The following SDK1 variants were observed in gnomAD, a reference collection of about 807,000 sequenced individuals.
SDK1 encodes the protein sidekick cell adhesion molecule 1.
Under a neutral mutation model 245.5 loss-of-function variants are expected in SDK1, and 157 were observed. The ratio of observed to expected loss-of-function variants is 0.64; its 90% confidence interval spans 0.56 to 0.73. The LOEUF (loss-of-function observed/expected upper bound fraction) is 0.73. Ranked by LOEUF, SDK1 falls within the 30% of genes least tolerant of loss-of-function variation. The probability of loss-of-function intolerance (pLI) is 0.00; values close to 1 mark genes in which losing one functional copy is unlikely to be tolerated. For missense variants in SDK1, 3,583 were observed against 3,002.3 expected, an observed-to-expected ratio of 1.19 and a Z score of -4.52; for synonymous variants, 1,647 against 1,278.5, an observed-to-expected ratio of 1.29 and a Z score of -6.15.
At chr7:3,435,710 T>G (rs1780002609) in intron 1 of SDK1, among the ~76,000 whole-genome samples, 1 of 152,050 alleles carries the variant, frequency 6.6e-6, no homozygotes, top group Non-Finnish European at 1.5e-5. Flanking sequence ...TCTATCCTAC[T>G]TTACATGCCC....
chr7:3,581,849 A>T (rs529587422), intron 1 of SDK1, among the ~76,000 whole-genome samples: 1 of 152,368 alleles, frequency 6.6e-6, no homozygotes, highest in South Asian at 2.1e-4. Flanking sequence ...CTTTGCAGGG[A>T]CATGGGTGAA....
At chr7:3,599,090 C>CTTT (rs58431507) in intron 1 of SDK1, among the ~76,000 whole-genome samples, 6 of 80,522 alleles carry the variant, frequency 7.5e-5, no homozygotes, top group African/African-American at 1.8e-4. Context: ...ACTAATCCAC[C>CTTT]TTTTTTTTTT....
intron 5 of SDK1, among the ~76,000 whole-genome samples, chr7:3,854,988 A>T (rs1780509645): frequency 6.6e-6 from 1 of 152,178 alleles, no homozygotes. Context: ...CTTCATCTAC[A>T]GTGTCCTCCA....
At chr7:3,743,130 G>T (rs1779522990) in intron 4 of SDK1, among the ~76,000 whole-genome samples, 1 of 152,176 alleles carries the variant, frequency 6.6e-6, no homozygotes, top group Non-Finnish European at 1.5e-5. Context: ...TGCCTTGAAT[G>T]GGAGAGTAAT....
rs1024759040 is a variant in SDK1, at chr7:4,233,191, T to G, written c.5828-64T>G. ...CAAGCCGACCCACCAGGCAGGTGCA[T>G]GGGGCTCGCATCTGGGACTTCGCAC... On this transcript the variant is annotated intron_variant, in intron 40 of 44. Coordinates refer to ENST00000404826, the MANE Select transcript of SDK1 (RefSeq NM_152744.4). The G allele has an allele frequency of 4.6e-6, 7 of 1,512,400 alleles. No homozygotes were observed. The South Asian group carries it at 6.0e-5, about 13-fold the overall frequency. The allele number at this position is 1,512,400 out of a possible 1,614,324, so 93.7% of individuals were successfully genotyped here. A position where few individuals can be genotyped will look rare whatever the true frequency, so the allele number is the denominator to read the frequency against.
chr7:3,967,106 G>A (rs537260845), intron 9 of SDK1, among the ~76,000 whole-genome samples: 10 of 152,298 alleles, frequency 6.6e-5, no homozygotes, highest in East Asian at 1.9e-4. Flanking sequence ...ACATCGTGAC[G>A]CTGTATTTTC....
At chr7:3,784,260 C>T (rs1195072293) in intron 4 of SDK1, among the ~76,000 whole-genome samples, 2 of 151,266 alleles carry the variant, frequency 1.3e-5, no homozygotes, top group Admixed American at 6.6e-5. Context: ...CAAGAATATG[C>T]AATAAGAAAA....
chr7:3,827,374 G>A (rs1007852149), intron 5 of SDK1, among the ~76,000 whole-genome samples: 3 of 151,776 alleles, frequency 2.0e-5, no homozygotes, highest in East Asian at 3.9e-4. Flanking sequence ...CTTTCCGAAC[G>A]AGATGGAAGG....
chr7:4,141,624 G>C (rs1401408390), intron 28 of SDK1, among the ~76,000 whole-genome samples: 1 of 152,206 alleles, frequency 6.6e-6, no homozygotes, highest in African/African-American at 2.4e-5. Flanking sequence ...AGGTAGGCTG[G>C]TGGGATCCAT....
At chr7:3,810,302 A>C (rs566482650) in intron 4 of SDK1, among the ~76,000 whole-genome samples, 1 of 152,166 alleles carries the variant, frequency 6.6e-6, no homozygotes, top group East Asian at 1.9e-4. Flanking sequence ...AAGACTGAAA[A>C]CATGTATTCC....
At chr7:3,865,806 A>G (rs1305909662) in intron 5 of SDK1, among the ~76,000 whole-genome samples, 1 of 151,894 alleles carries the variant, frequency 6.6e-6, no homozygotes, top group Non-Finnish European at 1.5e-5. Context: ...CTTCACCTCC[A>G]TTCTTAACCC....
intron 1 of SDK1, among the ~76,000 whole-genome samples, chr7:3,425,242 T>C (rs1779643680): frequency 6.6e-6 from 1 of 152,174 alleles, no homozygotes; most frequent in Admixed American, 6.5e-5. Flanking sequence ...CCTGTTGTTA[T>C]CTTCCTATGG....
intron 1 of SDK1, among the ~76,000 whole-genome samples, chr7:3,541,635 T>A (rs1416928329): frequency 2.6e-5 from 4 of 152,224 alleles, no homozygotes; most frequent in African/African-American, 7.2e-5. Flanking sequence ...TTGGTATTTA[T>A]TTTTCTCTTC....
chr7:3,567,295 G>A (rs189193286), intron 1 of SDK1, among the ~76,000 whole-genome samples: 3 of 152,336 alleles, frequency 2.0e-5, no homozygotes, highest in African/African-American at 7.2e-5. Flanking sequence ...GTTGTTGTGA[G>A]AATGAAATGG....
chr7:4,094,201 A>T (rs1182558229), intron 22 of SDK1, among the ~76,000 whole-genome samples: 3 of 152,114 alleles, frequency 2.0e-5, no homozygotes, highest in African/African-American at 7.2e-5. Context: ...GGCTGGGATT[A>T]CAGGCACCTG....
At chr7:3,578,825 C>G (rs1244390432) in intron 1 of SDK1, among the ~76,000 whole-genome samples, 4 of 151,858 alleles carry the variant, frequency 2.6e-5, no homozygotes, top group Non-Finnish European at 5.9e-5. Flanking sequence ...TGTTCTTTTT[C>G]AAGGTGCACT....
At chr7:4,033,841 T>A (rs988462542) in intron 17 of SDK1, among the ~76,000 whole-genome samples, 1 of 152,154 alleles carries the variant, frequency 6.6e-6, no homozygotes, top group Non-Finnish European at 1.5e-5. Context: ...CTGCTAGGAA[T>A]GCAATGATAC....
intron 5 of SDK1, among the ~76,000 whole-genome samples, chr7:3,924,020 T>C (rs923728977): frequency 9.2e-5 from 14 of 152,170 alleles, no homozygotes; most frequent in Admixed American, 9.2e-4. Flanking sequence ...TATTTTTTCT[T>C]TGGATATTTC....
chr7:4,057,073 G>A (rs925463452), intron 19 of SDK1, among the ~76,000 whole-genome samples: 1 of 152,174 alleles, frequency 6.6e-6, no homozygotes, highest in African/African-American at 2.4e-5. Flanking sequence ...CCTGAGGTCA[G>A]ACTCTCCCAC....
Sources: gnomAD v4.1 joint callset for allele counts (sites outside exome capture counted in the v4.1 genomes callset) on GRCh38, gnomAD v4.1.1 for gene constraint, MANE v1.5 for transcripts, NCBI Gene and HGNC (gene_info 2026-07-23, HGNC 2026-07-21) for gene names.